The following ALPL variants were observed in gnomAD, a reference collection of about 807,000 sequenced individuals.
The protein encoded by ALPL is alkaline phosphatase, tissue-nonspecific isozyme.
Under a neutral mutation model 51.3 loss-of-function variants are expected in ALPL, and 42 were observed. The ratio of observed to expected loss-of-function variants is 0.82; its 90% CI spans 0.64 to 1.06. The LOEUF (loss-of-function observed/expected upper bound fraction) is 1.06, where lower values mean the gene tolerates loss of function less well. ALPL is among the 50% of genes least tolerant of loss of function. The pLI, the probability that ALPL is intolerant of heterozygous loss-of-function variation, is 0.00. For missense variants in ALPL, 589 were observed against 709.4 expected (o/e 0.83, Z 1.93); for synonymous variants, 279 against 296.4 (o/e 0.94, Z 0.60).
rs1172381352 is a variant in ALPL, at chr1:21,575,811, T to TCGGG, written c.1078_1081dup (p.Gln361ArgfsTer45). ...GAGGCGGTGGAGATGGACCGGGCCA[T>TCGGG]CGGGCAGGCAGGCAGCTTGACCTCC... On this transcript the variant is annotated frameshift_variant, in exon 10 of 12. Coordinates refer to ENST00000374840, the MANE Select transcript of ALPL (RefSeq NM_000478.6). LOFTEE classifies it high-confidence loss of function. 1 of 1,614,172 alleles carries TCGGG rather than the reference T, an allele frequency of 6.2e-7. No homozygotes were observed. The highest frequency in any genetic ancestry group is 8.5e-7 in the Non-Finnish European group (1 of 1,180,040).
At position 21,564,023 on chromosome 1, in the gene ALPL, G is replaced by A. The variant is rs376690819; in HGVS notation, c.473-18G>A. ...CCGATCTGTGGATAAAGCCAAACCC[G>A]CCCCTCCTGCACCCCAGGGAAATCT... On this transcript the variant is annotated intron_variant, in intron 5 of 11. Transcript: ENST00000374840. This position sits in a 1 kb window ranked among gnomAD's most constrained non-coding sequence, Gnocchi z 5.8. 6.4e-5 allele frequency: 104 copies of A among 1,612,854 alleles called. No individual in the cohort carries two copies. Among genetic ancestry groups the A allele is most frequent in the Middle Eastern group, 1.7e-4 (1 of 6,058 alleles).
intron 1 of ALPL, among the ~76,000 whole-genome samples, chr1:21,510,522 C>T (rs1006684049): frequency 2.0e-5 from 3 of 152,002 alleles, no homozygotes; most frequent in African/African-American, 7.3e-5. Context: ...TTTTTGAAGG[C>T]CTACCGTGCG....
At position 21,564,981 on chromosome 1, in the gene ALPL, C is replaced by T. The variant is rs974844995; in HGVS notation, c.648+765C>T. 2.0e-5 allele frequency among the ~76,000 whole-genome samples: 3 copies of T among 152,198 alleles called. No homozygotes were observed. Among genetic ancestry groups the T allele is most frequent in the Non-Finnish European group, 4.4e-5 (3 of 68,034 alleles). ...CTCTCTGTTCTTAAGTGAGAATGCC[C>T]GGCTCGTTCCTTTTCAGGCTTTTAT... On this transcript the variant is annotated intron_variant, in intron 6 of 11. Transcript: ENST00000374840. This position sits in a 1 kb window ranked among gnomAD's most constrained non-coding sequence, Gnocchi z 5.8.
At chr1:21,574,583 TAC>T (rs1207660797) in intron 9 of ALPL, 1 of 152,260 alleles carries the variant, frequency 6.6e-6, no homozygotes, top group Non-Finnish European at 1.5e-5. Flanking sequence ...TCCCCACGCA[TAC>T]ACACATGCTC....
At chr1:21,576,259 A>ATGGATGGATGGG (rs1324148730) in intron 10 of ALPL, among the ~76,000 whole-genome samples, 1 of 38,958 alleles carries the variant, frequency 2.6e-5, no homozygotes, top group African/African-American at 9.7e-5. Context: ...TGGATGATGG[A>ATGGATGGATGGG]TGGATGGATG....
intron 11 of ALPL, 72 bp from the exon 12 acceptor site, chr1:21,577,311 G>C: frequency 6.2e-7 from 1 of 1,608,166 alleles, no homozygotes; most frequent in Non-Finnish European, 8.5e-7. Context: ...GCCTGGAAGG[G>C]AGATGGAAAA....
At chr1:21,540,082 A>T (rs1468008257) in intron 1 of ALPL, among the ~76,000 whole-genome samples, 1 of 152,100 alleles carries the variant, frequency 6.6e-6, no homozygotes, top group African/African-American at 2.4e-5. Flanking sequence ...AACACCGCAG[A>T]TGTAGTGCGT....
At chr1:21,559,873 GAC>G (rs201941256) in intron 2 of ALPL, among the ~76,000 whole-genome samples, 1 of 152,010 alleles carries the variant, frequency 6.6e-6, no homozygotes, top group African/African-American at 2.4e-5. Context: ...TTGGTTGCTG[GAC>G]ACACACACAC....
At chr1:21,527,182 A>G (rs1318800821) in intron 1 of ALPL, among the ~76,000 whole-genome samples, 1 of 151,626 alleles carries the variant, frequency 6.6e-6, no homozygotes, top group East Asian at 1.9e-4. Context: ...ACAGGCATGC[A>G]CCACCACACC....
intron 8 of ALPL, among the ~76,000 whole-genome samples, chr1:21,573,171 C>T (rs1369180372): frequency 2.6e-5 from 4 of 152,206 alleles, no homozygotes; most frequent in African/African-American, 7.2e-5. Flanking sequence ...CGGAGGCTCA[C>T]GCCTGTAATC....
At chr1:21,532,050 T>C (rs1054271881) in intron 1 of ALPL, among the ~76,000 whole-genome samples, 2 of 152,182 alleles carry the variant, frequency 1.3e-5, no homozygotes, top group African/African-American at 4.8e-5. Context: ...CTTCTCTCTC[T>C]GTTGGGGCAA....
chr1:21,534,477 G>A (rs567761038), intron 1 of ALPL, among the ~76,000 whole-genome samples: 5 of 152,186 alleles, frequency 3.3e-5, no homozygotes, highest in Non-Finnish European at 7.4e-5. Flanking sequence ...GGGAGGACAC[G>A]GAGTCAGCGA....
intron 2 of ALPL, among the ~76,000 whole-genome samples, chr1:21,560,184 T>C (rs764196532): frequency 1.3e-5 from 2 of 152,242 alleles, no homozygotes; most frequent in Non-Finnish European, 2.9e-5. Flanking sequence ...GCTGGCTATA[T>C]CAGGGGACCC....
intron 1 of ALPL, among the ~76,000 whole-genome samples, chr1:21,544,459 T>G (rs1318633454): frequency 6.6e-6 from 1 of 152,186 alleles, no homozygotes; most frequent in African/African-American, 2.4e-5. Context: ...AACAAAATTA[T>G]GAGCTGGGCG....
At chr1:21,565,672 G>C (rs571799212) in intron 6 of ALPL, among the ~76,000 whole-genome samples, 8 of 152,060 alleles carry the variant, frequency 5.3e-5, no homozygotes, top group African/African-American at 1.9e-4. Context: ...GAGTGAGGAC[G>C]GAGGACCTGT....
intron 1 of ALPL, among the ~76,000 whole-genome samples, chr1:21,513,221 AGAG>A (rs1001072731): frequency 1.3e-5 from 2 of 152,106 alleles, no homozygotes; most frequent in African/African-American, 2.4e-5. Context: ...TGAGGCCCAG[AGAG>A]GAGAAGAGGC....
chr1:21,548,210 A>G (rs531956379), intron 1 of ALPL, among the ~76,000 whole-genome samples: 3 of 152,224 alleles, frequency 2.0e-5, no homozygotes, highest in Non-Finnish European at 2.9e-5. Flanking sequence ...CACAGCCCCA[A>G]ACTGGGCCCC....
intron 1 of ALPL, among the ~76,000 whole-genome samples, chr1:21,547,460 C>T: frequency 6.6e-6 from 1 of 152,172 alleles, no homozygotes; most frequent in Non-Finnish European, 1.5e-5. Context: ...TCAGCCTCCT[C>T]CTCCTGGGGC....
intron 7 of ALPL, 60 bp downstream of exon 7, chr1:21,568,307 G>C: frequency 6.2e-7 from 1 of 1,610,428 alleles, no homozygotes; most frequent in Admixed American, 1.7e-5. Flanking sequence ...GAGGCTGTGT[G>C]ACCCCTGCTC....
Sources: allele counts gnomAD v4.1 joint callset (sites outside exome capture counted in the v4.1 genomes callset), GRCh38; gene constraint gnomAD v4.1.1; non-coding constraint Gnocchi (gnomAD v3.1); transcripts MANE v1.5; gene names NCBI Gene and HGNC (gene_info 2026-07-23, HGNC 2026-07-21).